Variants in MOCS1 observed in about 807,000 individuals in gnomAD.
MOCS1 encodes the protein molybdenum cofactor biosynthesis protein 1.
In MOCS1, 39 loss-of-function variants were observed where a neutral mutation model predicts 57.6. The observed-to-expected ratio is 0.68, with a 90% CI of 0.52 to 0.88. MOCS1 has a LOEUF of 0.88. Among genes scored for constraint, MOCS1 ranks in the 40% least tolerant of loss-of-function variants. The pLI is 0.00. For missense variants in MOCS1, 795 were observed against 831.1 expected (o/e 0.96, Z 0.53); for synonymous variants, 334 against 335.7 (o/e 1.00, Z 0.05).
intron 10 of MOCS1, among the ~76,000 whole-genome samples, chr6:39,908,015 T>G (rs187180421): frequency 6.6e-6 from 1 of 152,300 alleles, no homozygotes; most frequent in East Asian, 1.9e-4. Context: ...CAGCCTCCCT[T>G]CTGGGGAGAT....
rs761737107 is a variant in MOCS1, at chr6:39,906,414, C to T, written c.1854G>A (p.Glu618=). Residue 618 remains glutamate, a synonymous_variant, in exon 11 of 11, where the codon GAG becomes GAA. Coordinates refer to ENST00000340692, the MANE Select transcript of MOCS1 (RefSeq NM_001358530.2). The part of the protein sequence containing the change: ...CKAVSRDIVL[E]EIKLISKTGG... ...CAGTCTTGCTAATGAGCTTGATCTCCTCCAACACGATGTCCCTGCTGACAG... is the reference window on the plus strand; with the variant it reads ...CAGTCTTGCTAATGAGCTTGATCTCTTCCAACACGATGTCCCTGCTGACAG... 44 of 1,605,258 alleles carry T rather than the reference C, an allele frequency of 2.7e-5. No homozygotes were observed. Among genetic ancestry groups the T allele is most frequent in the Non-Finnish European group, 3.7e-5 (43 of 1,173,206 alleles).
At position 39,905,595 on chromosome 6, in the gene MOCS1, C is replaced by CTGAT. The variant is rs543804008; in HGVS notation, c.*758_*761dup. On this transcript the variant is annotated 3_prime_UTR_variant, in exon 11 of 11. Transcript: ENST00000340692. ...CAATCTATCATCAACTTTTCTTTCC[C>CTGAT]TGATATGCTCCAGAATAAAGAGGGG... 2.1e-6 allele frequency: 1 copy of CTGAT among 471,152 alleles called. No individual in the cohort carries two copies. The highest frequency in any genetic ancestry group is 6.9e-5 in the East Asian group (1 of 14,394). 29.2% of individuals were successfully genotyped at this position (471,152 alleles called of 1,614,324 possible).
chr6:39,911,292 T>C (rs576509058), intron 8 of MOCS1, among the ~76,000 whole-genome samples: 4 of 152,146 alleles, frequency 2.6e-5, no homozygotes, highest in Non-Finnish European at 5.9e-5. Flanking sequence ...ACTGCATGCA[T>C]CTAAACCCAA....
chr6:39,906,508 G>A lies in MOCS1; in HGVS notation c.1760C>T (p.Thr587Ile). 6.2e-7 allele frequency: 1 copy of A among 1,614,064 alleles called. No individual in the cohort carries two copies. Among genetic ancestry groups the A allele is most frequent in the East Asian group, 2.2e-5 (1 of 44,876 alleles). Residue 587 changes from threonine (T) to isoleucine (I), a missense_variant, in exon 11 of 11, where the codon ACC (threonine) becomes ATC (isoleucine). By Grantham distance (89) the Thr-to-Ile change is moderately conservative. Coordinates refer to ENST00000340692, the MANE Select transcript of MOCS1 (RefSeq NM_001358530.2). ...IQASCRARGP[T>I]GVEMEALTSA... is the part of the protein sequence containing the mutation. ...GGTCAGGGCCTCCATCTCCACCCCG[G>A]TGGGGCCCCGAGCCCGGCAAGATGC...
intron 10 of MOCS1, 113 bp downstream of exon 10, chr6:39,908,942 G>C: frequency 2.2e-6 from 2 of 904,898 alleles, no homozygotes; most frequent in South Asian, 2.7e-5. Flanking sequence ...AGAAAAACAA[G>C]GATGAGAAAT....
chr6:39,912,321 A>G lies in MOCS1; in HGVS notation c.924T>C (p.Ser308=). ...QGQISFITSM[S]EHFCGTCNRL... ...GGTTGCAGGTCCCACAGAAATGCTCAGACATGGATGTGATGAAGCTGATCT... is the reference window on the plus strand; with the variant it reads ...GGTTGCAGGTCCCACAGAAATGCTCGGACATGGATGTGATGAAGCTGATCT... Residue 308 remains serine (S), a synonymous_variant, in exon 8 of 11, where the codon TCT becomes TCC. Transcript: ENST00000340692. The G allele has an allele frequency of 6.2e-7, 1 of 1,614,092 alleles. No homozygotes were observed. Among genetic ancestry groups the G allele is most frequent in the Non-Finnish European group, 8.5e-7 (1 of 1,180,018 alleles).
At position 39,912,814 on chromosome 6, in the gene MOCS1, G is replaced by C. The variant is rs150727943; in HGVS notation, c.870+78C>G. The C allele has an allele frequency of 8.1e-6, 9 of 1,114,896 alleles. No homozygotes were observed. In the African/African-American group the frequency reaches 1.4e-4, roughly 17 times the overall value. The allele number at this position is 1,114,896 out of a possible 1,614,324, so 69.1% of individuals were successfully genotyped here. On this transcript the variant is annotated intron_variant, in intron 7 of 10. Transcript: ENST00000340692. ...ATCACAGCATCCCCACCACAGTGCA[G>C]CTCCCTGCTAGCTCTCCATCCTAGG...
In MOCS1 at chr6:39,906,563, C is replaced by A; in HGVS notation, c.1705G>T (p.Asp569Tyr). The part of the protein sequence containing the change: ...LSHIQVQLEL[D>Y]STRHAVKIQA... ...ATCTTCACGGCATGGCGTGTGCTGT[C>A]CAGCTCCAGCTGCACCTGGATGTGG... The change falls in exon 11 of 11, where the codon GAC becomes TAC. Residue 569 changes from aspartate (D) to tyrosine (Y), a missense_variant. By Grantham distance (160) the Asp-to-Tyr change is radical (BLOSUM62 -3). Coordinates refer to ENST00000340692, the MANE Select transcript of MOCS1 (RefSeq NM_001358530.2). The A allele has an allele frequency of 6.2e-7, 1 of 1,613,808 alleles. No homozygotes were observed. Among genetic ancestry groups the A allele is most frequent in the Non-Finnish European group, 8.5e-7 (1 of 1,180,040 alleles).
At position 39,906,017 on chromosome 6, in the gene MOCS1, T is replaced by G. The variant is rs1234455459; in HGVS notation, c.*340A>C. 1 of 515,496 alleles carries G rather than the reference T, an allele frequency of 1.9e-6. No homozygotes were observed. Among genetic ancestry groups the G allele is most frequent in the Non-Finnish European group, 3.7e-6 (1 of 267,576 alleles). The allele number at this position is 515,496 out of a possible 1,614,324, so 31.9% of individuals were successfully genotyped here. On this transcript the variant is annotated 3_prime_UTR_variant, in exon 11 of 11. Coordinates refer to ENST00000340692, the MANE Select transcript of MOCS1 (RefSeq NM_001358530.2). ...AACCCAAAATGAGAAGGAAAAGTTC[T>G]GGGCTGGACTGTCGGAACCTGGTTG...
intron 3 of MOCS1, among the ~76,000 whole-genome samples, chr6:39,919,826 C>A (rs1270818450): frequency 1.3e-5 from 2 of 152,138 alleles, no homozygotes; most frequent in African/African-American, 4.8e-5. Context: ...TCCCAAAAAT[C>A]ATCTACAGAT....
intron 3 of MOCS1, among the ~76,000 whole-genome samples, chr6:39,924,536 C>T (rs1441299678): frequency 5.3e-5 from 8 of 152,186 alleles, no homozygotes; most frequent in Non-Finnish European, 1.2e-4. Flanking sequence ...GTGAGTAGGG[C>T]AGGGGTTGCC....
rs1768631142 is a variant in MOCS1 at position 39,931,293 on chromosome 6, C to T, written c.123+3002G>A. Among the ~76,000 whole-genome samples the T allele has an allele frequency of 3.3e-5, 5 of 152,172 alleles. No individual in the cohort carries two copies. In the South Asian group the frequency reaches 1.0e-3, roughly 32 times the overall value. ...TCCTCTACTAGTCACTCATCTTAGG[C>T]ATCTGATTTGACTGCTAAAGGCTAG... On this transcript the variant is annotated intron_variant, in intron 1 of 10. Transcript: ENST00000340692.
chr6:39,925,804 T>TG lies in MOCS1; in HGVS notation c.291dup (p.Lys98GlnfsTer91). ...TCCTCTGTGGTCAGCAGGTTGGCTT[T>TG]GGGGGTCAGCGGGACCCCCTCCTCG... On this transcript the variant is annotated frameshift_variant, in exon 3 of 11. Transcript: ENST00000340692. LOFTEE classifies it high-confidence loss of function. 6.2e-7 allele frequency: 1 copy of TG among 1,612,752 alleles called. No individual in the cohort carries two copies. Among genetic ancestry groups the TG allele is most frequent in the Non-Finnish European group, 8.5e-7 (1 of 1,179,936 alleles).
chr6:39,913,333 C>G lies in MOCS1; in HGVS notation c.741G>C (p.Glu247Asp). The G allele has an allele frequency of 6.2e-7, 1 of 1,614,178 alleles. No homozygotes were observed. The highest frequency in any genetic ancestry group is 8.5e-7 in the Non-Finnish European group (1 of 1,180,000). ...GTCACTGACCATCAAAGGGCATATA[C>G]TCTATGAAGCGCACATCCAGGGGGA... ...EGLPLDVRFIEYMPFDGNKWN... is the reference protein window; with the variant it reads ...EGLPLDVRFIDYMPFDGNKWN... The change falls in exon 6 of 11, where the codon GAG becomes GAC. Residue 247 changes from glutamate (E) to aspartate (D), a missense_variant. Around this residue, in one of 3 missense-constraint regions of MOCS1, gnomAD observed 416 missense variants for 392.4 expected, o/e 1.06. Coordinates refer to ENST00000340692, the MANE Select transcript of MOCS1 (RefSeq NM_001358530.2).
intron 1 of MOCS1, chr6:39,927,683 G>A (rs768741932): frequency 1.3e-6 from 2 of 1,545,614 alleles, no homozygotes; most frequent in Non-Finnish European, 1.7e-6. Context: ...GGGGTCGGGG[G>A]CGGATGGTGA....
Position 39,913,782 on chromosome 6 carries a change from G to A in MOCS1, c.637C>T (p.Pro213Ser). The change falls in exon 5 of 11, where the codon CCT (proline) becomes TCT (serine). Residue 213 changes from proline (P) to serine (S), a missense_variant. Transcript: ENST00000340692. ...IHKAIELGYN[P>S]VKVNCVVMRG... ...CAGGGGCACGGCCTCACCTTCACAG[G>A]GTTGTAGCCCAGCTCGATGGCCTTG... The A allele has an allele frequency of 1.9e-6, 3 of 1,614,190 alleles. No individual in the cohort carries two copies. The highest frequency in any genetic ancestry group is 2.5e-6 in the Non-Finnish European group (3 of 1,180,036).
chr6:39,917,005 G>T (rs1183556716), intron 3 of MOCS1, among the ~76,000 whole-genome samples: 1 of 152,228 alleles, frequency 6.6e-6, no homozygotes, highest in Non-Finnish European at 1.5e-5. Context: ...AGCTGGACAG[G>T]TTGGCCTCAT....
At chr6:39,915,890 C>A (rs764155916) in intron 4 of MOCS1, among the ~76,000 whole-genome samples, 178 bp downstream of exon 4, 1 of 152,110 alleles carries the variant, frequency 6.6e-6, no homozygotes, top group Non-Finnish European at 1.5e-5. Context: ...AGCGTCTGAC[C>A]CCCAAAGTCC....
At chr6:39,927,744 G>A (rs1420887856) in intron 1 of MOCS1, 8 of 1,512,420 alleles carry the variant, frequency 5.3e-6, no homozygotes, top group Non-Finnish European at 7.0e-6. Context: ...GCAAGGGTGT[G>A]GGGAAATCTA....
Sources: gnomAD v4.1 joint callset for allele counts (sites outside exome capture counted in the v4.1 genomes callset) on GRCh38, gnomAD v4.1.1 for gene constraint, gnomAD v4.1.1 regional missense constraint, MANE v1.5 for transcripts, NCBI Gene and HGNC (gene_info 2026-07-23, HGNC 2026-07-21) for gene names.